TOP2B: variants seen among roughly 807,000 people sequenced by gnomAD.
The protein encoded by TOP2B is DNA topoisomerase 2-beta.
In TOP2B, 51 loss-of-function variants were observed where a neutral mutation model predicts 193.5. The ratio of observed to expected loss-of-function variants is 0.26; its 90% CI spans 0.21 to 0.33. The LOEUF is 0.33. Among genes scored for constraint, TOP2B ranks in the 10% least tolerant of loss-of-function variants. The pLI is 1.00. For missense variants in TOP2B, 1,378 were observed against 1,909.3 expected, an observed-to-expected ratio of 0.72 and a Z score of 5.19; for synonymous variants, 634 against 635.7, an observed-to-expected ratio of 1.00 and a Z score of 0.04.
chr3:25,641,157 G>A (rs999008875), intron 4 of TOP2B, among the ~76,000 whole-genome samples: 1 of 152,082 alleles, frequency 6.6e-6, no homozygotes, highest in Non-Finnish European at 1.5e-5. Flanking sequence ...TTGCATTAAT[G>A]TGGCTAAAAT....
chr3:25,626,978 T>C (rs775817110), intron 16 of TOP2B, 114 bp from the exon 17 acceptor site: 1 of 732,056 alleles, frequency 1.4e-6, no homozygotes, highest in Non-Finnish European at 2.2e-6. Flanking sequence ...AATTAGGTTA[T>C]TTTACAATAT....
At chr3:25,598,882 A>T (rs963418329) in intron 35 of TOP2B, among the ~76,000 whole-genome samples, 1 of 152,192 alleles carries the variant, frequency 6.6e-6, no homozygotes, top group Admixed American at 6.5e-5. Context: ...GTAAGTGTTT[A>T]AAAAAATGCA....
chr3:25,610,784 G>A (rs1413433925), intron 28 of TOP2B, among the ~76,000 whole-genome samples: 6 of 152,110 alleles, frequency 3.9e-5, no homozygotes, highest in Non-Finnish European at 8.8e-5. Flanking sequence ...GTAGAAAAGG[G>A]GAGAAATCAT....
intron 4 of TOP2B, among the ~76,000 whole-genome samples, chr3:25,640,752 C>CTTTTTTTTTTTTT (rs372465937): frequency 3.7e-5 from 4 of 106,994 alleles, no homozygotes; most frequent in Non-Finnish European, 5.8e-5. Context: ...TCTTCGTTGT[C>CTTTTTTTTTTTTT]TTTTTTTTTT....
rs1006445037 is a variant in TOP2B at position 25,598,173 on chromosome 3, G to T, written c.*134C>A. 2 of 889,618 alleles carry T rather than the reference G, an allele frequency of 2.2e-6. No homozygotes were observed. The highest frequency in any genetic ancestry group is 1.7e-5 in the African/African-American group (1 of 59,444). The allele number at this position is 889,618 out of a possible 1,614,324, so 55.1% of individuals were successfully genotyped here. A position where few individuals can be genotyped will look rare whatever the true frequency, so the allele number is the denominator to read the frequency against. ...ATGTGTAAGAACAAAATGTTAAAAG[G>T]CCTACCACAATAATAAAAAACCGTC... On this transcript the variant is annotated 3_prime_UTR_variant, in exon 36 of 36. Transcript: ENST00000264331.
chr3:25,621,319 C>G (rs1459022999), intron 21 of TOP2B, among the ~76,000 whole-genome samples: 1 of 152,138 alleles, frequency 6.6e-6, no homozygotes, highest in African/African-American at 2.4e-5. Flanking sequence ...ATAAATCTTA[C>G]TCATCCTTCC....
At chr3:25,620,416 ACT>A (rs1491119890) in intron 22 of TOP2B, among the ~76,000 whole-genome samples, 1 of 152,198 alleles carries the variant, frequency 6.6e-6, no homozygotes, top group Non-Finnish European at 1.5e-5. Flanking sequence ...AATTAAAAAC[ACT>A]GTCATATTCT....
intron 3 of TOP2B, 148 bp from the exon 4 acceptor site, chr3:25,642,533 T>C: frequency 2.1e-6 from 1 of 465,744 alleles, no homozygotes; most frequent in East Asian, 3.3e-5. Flanking sequence ...TCATATAAAA[T>C]CTTATTTTCC....
At chr3:25,647,106 G>A (rs1287688970) in intron 1 of TOP2B, among the ~76,000 whole-genome samples, 1 of 152,130 alleles carries the variant, frequency 6.6e-6, no homozygotes, top group Non-Finnish European at 1.5e-5. Flanking sequence ...GTTAGACGAT[G>A]AACTAGCCGG....
rs573082162 is a variant in TOP2B at position 25,636,394 on chromosome 3, T to C, written c.640-246A>G. On this transcript the variant is annotated intron_variant, in intron 6 of 35. Coordinates refer to ENST00000264331, the MANE Select transcript of TOP2B (RefSeq NM_001330700.2). The stretch of plus-strand genomic sequence containing the variant: ...CAGCTTAAAAATATTTGGGAAAAAA[T>C]ACAAATTTTTAAAATACAGCATAAC... 1.1e-4 allele frequency among the ~76,000 whole-genome samples: 17 copies of C among 152,106 alleles called. No homozygotes were observed. The South Asian group carries it at 1.7e-3, about 15-fold the overall frequency.
At chr3:25,659,794 A>C (rs1026505230) in intron 1 of TOP2B, among the ~76,000 whole-genome samples, 3 of 152,230 alleles carry the variant, frequency 2.0e-5, no homozygotes, top group Non-Finnish European at 4.4e-5. Flanking sequence ...TCAGAGTATA[A>C]AAGATGAGTT....
intron 5 of TOP2B, 56 bp from the exon 6 acceptor site, chr3:25,637,368 G>T: frequency 7.5e-7 from 1 of 1,333,078 alleles, no homozygotes; most frequent in Non-Finnish European, 1.0e-6. Context: ...AAGGAACTTC[G>T]TTAATTTACC....
At chr3:25,628,190 A>AG (rs1553641592) in intron 15 of TOP2B, among the ~76,000 whole-genome samples, 7 of 147,540 alleles carry the variant, frequency 4.7e-5, no homozygotes, top group African/African-American at 1.7e-4. Context: ...AAAAAAAAAA[A>AG]GGGAGCCAGG....
chr3:25,649,583 G>A (rs1187385961), intron 1 of TOP2B, among the ~76,000 whole-genome samples: 3 of 149,402 alleles, frequency 2.0e-5, no homozygotes, highest in Non-Finnish European at 4.4e-5. Context: ...AGAAGGGATT[G>A]GAAGAATATA....
chr3:25,657,081 C>A (rs1193870558), intron 1 of TOP2B, among the ~76,000 whole-genome samples: 1 of 152,188 alleles, frequency 6.6e-6, no homozygotes, highest in Non-Finnish European at 1.5e-5. Context: ...CTTTTACGTT[C>A]CCATTCTCAA....
chr3:25,622,948 T>G (rs545339072), intron 21 of TOP2B, among the ~76,000 whole-genome samples: 3 of 152,296 alleles, frequency 2.0e-5, no homozygotes, highest in Non-Finnish European at 2.9e-5. Flanking sequence ...CTAATTTTTT[T>G]TGTATATTTA....
Position 25,664,511 on chromosome 3 carries a change from G to C in TOP2B, c.-214C>G. On this transcript the variant is annotated 5_prime_UTR_variant, in exon 1 of 36. Coordinates refer to ENST00000264331, the MANE Select transcript of TOP2B (RefSeq NM_001330700.2). ...CGGCTGCCCTCAAACTCGAGGCGCGGCGTCCGCGTCGCCCGGGCCTAGCGC... is the reference window on the plus strand; with the variant it reads ...CGGCTGCCCTCAAACTCGAGGCGCGCCGTCCGCGTCGCCCGGGCCTAGCGC... The C allele has an allele frequency of 8.5e-7, 1 of 1,170,574 alleles. No homozygotes were observed. Among genetic ancestry groups the C allele is most frequent in the Non-Finnish European group, 1.1e-6 (1 of 949,760 alleles). The allele number at this position is 1,170,574 out of a possible 1,614,324, so 72.5% of individuals were successfully genotyped here. A position where few individuals can be genotyped will look rare whatever the true frequency, so the allele number is the denominator to read the frequency against.
intron 18 of TOP2B, among the ~76,000 whole-genome samples, chr3:25,625,563 T>G (rs1702773423): frequency 6.6e-6 from 1 of 152,164 alleles, no homozygotes; most frequent in Non-Finnish European, 1.5e-5. Context: ...ATTATTTTTG[T>G]TTTTTGGTTT....
At chr3:25,644,544 C>A (rs1559506507) in intron 2 of TOP2B, among the ~76,000 whole-genome samples, 1 of 151,754 alleles carries the variant, frequency 6.6e-6, no homozygotes, top group Non-Finnish European at 1.5e-5. Flanking sequence ...CTACTAACAA[C>A]ACAAAAATTA....
Sources: gnomAD v4.1 joint callset for allele counts (sites outside exome capture counted in the v4.1 genomes callset) on GRCh38, gnomAD v4.1.1 for gene constraint, MANE v1.5 for transcripts, NCBI Gene and HGNC (gene_info 2026-07-23, HGNC 2026-07-21) for gene names.